The following AP3B1 variants were observed in gnomAD, a reference collection of about 807,000 sequenced individuals.
The protein encoded by AP3B1 is adaptor related protein complex 3 subunit beta 1.
In AP3B1, 61 loss-of-function variants were observed where a neutral mutation model predicts 132.5. The ratio of observed to expected loss-of-function variants is 0.46; its 90% CI spans 0.37 to 0.57. The LOEUF (loss-of-function observed/expected upper bound fraction) is 0.57. Among genes scored for constraint, AP3B1 ranks in the 20% least tolerant of loss-of-function variants. The probability of loss-of-function intolerance (pLI) is 0.00; values close to 1 mark genes in which losing one functional copy is unlikely to be tolerated. For synonymous variants in AP3B1, 388 were observed against 438.3 expected (o/e 0.89, Z 1.43); for missense variants, 1,120 against 1,289.4 (o/e 0.87, Z 2.01).
At chr5:78,003,696 T>G (rs1460765277) in intron 26 of AP3B1, among the ~76,000 whole-genome samples, 1 of 152,212 alleles carries the variant, frequency 6.6e-6, no homozygotes, top group Non-Finnish European at 1.5e-5. Flanking sequence ...CATTAGATCT[T>G]TCTTTCTGTA....
chr5:78,112,234 T>C (rs1580359761), intron 19 of AP3B1, among the ~76,000 whole-genome samples: 1 of 152,200 alleles, frequency 6.6e-6, no homozygotes, highest in African/African-American at 2.4e-5. Context: ...GATTGCTATT[T>C]ATTAAAAATG....
chr5:78,069,273 G>A (rs1749429746), intron 22 of AP3B1, among the ~76,000 whole-genome samples: 1 of 152,150 alleles, frequency 6.6e-6, no homozygotes, highest in South Asian at 2.1e-4. Context: ...GCAAGAGAAA[G>A]AAATAGAGTA....
chr5:78,117,931 C>A (rs562455733), intron 17 of AP3B1, among the ~76,000 whole-genome samples: 15 of 152,108 alleles, frequency 9.9e-5, no homozygotes, highest in African/African-American at 3.6e-4. Context: ...ATTGATTGTA[C>A]CTTTGAGTTT....
In AP3B1 at chr5:78,030,185, G is replaced by A. The variant is rs950976010; in HGVS notation, c.2894+4176C>T. Among the ~76,000 whole-genome samples the A allele has an allele frequency of 1.4e-4, 22 of 151,886 alleles. 1 individual carries two copies. Among genetic ancestry groups the A allele is most frequent in the East Asian group, 7.8e-4 (4 of 5,154 alleles). On this transcript the variant is annotated intron_variant, in intron 24 of 26. Transcript: ENST00000255194. ...TATGTTACCCAGGCTGGAAAGCAGC[G>A]GCTATTCACAGGTGCAATCATCGCG...
intron 16 of AP3B1, 60 bp from the exon 17 acceptor site, chr5:78,128,220 A>G: frequency 7.1e-7 from 1 of 1,410,498 alleles, no homozygotes; most frequent in Non-Finnish European, 9.8e-7. Flanking sequence ...ACAGAGAACA[A>G]TCATAATCAG....
At chr5:78,217,726 C>CTA (rs1186616857) in intron 6 of AP3B1, among the ~76,000 whole-genome samples, 11 of 151,978 alleles carry the variant, frequency 7.2e-5, no homozygotes, top group South Asian at 4.2e-4. Context: ...ATATAAACAT[C>CTA]TATATATATG....
chr5:78,155,228 G>A (rs1457332127), intron 14 of AP3B1, among the ~76,000 whole-genome samples: 17 of 152,126 alleles, frequency 1.1e-4, no homozygotes, highest in Admixed American at 1.1e-3. Flanking sequence ...AGAGACTCTT[G>A]TTCTCTTGTT....
At chr5:78,169,648 G>A (rs958353862) in intron 11 of AP3B1, among the ~76,000 whole-genome samples, 6 of 151,844 alleles carry the variant, frequency 4.0e-5, no homozygotes, top group East Asian at 3.9e-4. Context: ...AGCTGGTGTC[G>A]AACTCCTGGC....
At chr5:78,118,217 G>A (rs1039098639) in intron 17 of AP3B1, among the ~76,000 whole-genome samples, 1 of 152,126 alleles carries the variant, frequency 6.6e-6, no homozygotes, top group Non-Finnish European at 1.5e-5. Flanking sequence ...AGCCAAGATG[G>A]CCGAATAGGA....
At chr5:78,146,216 G>A (rs1753385729) in intron 14 of AP3B1, among the ~76,000 whole-genome samples, 1 of 152,198 alleles carries the variant, frequency 6.6e-6, no homozygotes, top group African/African-American at 2.4e-5. Context: ...CTGGAACAGA[G>A]AGATTCTGGG....
At chr5:78,172,928 T>C (rs1355836233) in intron 11 of AP3B1, among the ~76,000 whole-genome samples, 1 of 152,250 alleles carries the variant, frequency 6.6e-6, no homozygotes, top group Non-Finnish European at 1.5e-5. Flanking sequence ...ACACACTGCT[T>C]TAAATGTGTC....
intron 22 of AP3B1, among the ~76,000 whole-genome samples, chr5:78,060,251 G>T (rs1212146443): frequency 1.3e-5 from 2 of 152,152 alleles, no homozygotes; most frequent in Non-Finnish European, 2.9e-5. Context: ...TCAAGTTAAG[G>T]TGTCTATAAC....
chr5:78,191,354 CAA>C (rs34733864), intron 7 of AP3B1, among the ~76,000 whole-genome samples: 19 of 72,840 alleles, frequency 2.6e-4, no homozygotes, highest in South Asian at 5.1e-4. Context: ...TGCTTTTCCC[CAA>C]AAAAAAAAAA....
At chr5:78,130,713 T>C (rs1752649412) in intron 15 of AP3B1, among the ~76,000 whole-genome samples, 1 of 152,026 alleles carries the variant, frequency 6.6e-6, no homozygotes, top group Non-Finnish European at 1.5e-5. Context: ...AACCATGTAA[T>C]TAATTTGCTG....
rs114870503 is a variant in AP3B1 at position 78,294,113 on chromosome 5, A to G, written c.128+339T>C. Among the ~76,000 whole-genome samples the G allele has an allele frequency of 2.9e-3, 449 of 152,298 alleles. 5 individuals carry two copies. Among genetic ancestry groups the G allele is most frequent in the African/African-American group, 0.01 (434 of 41,552 alleles). On this transcript the variant is annotated intron_variant, in intron 1 of 26. Coordinates refer to ENST00000255194, the MANE Select transcript of AP3B1 (RefSeq NM_003664.5). Reference sequence around the variant, plus strand: ...TAAAGTCTGATCCGGCGAACGGTAAATAAACTAGAAGACGATGCTCAAAAT... The same window carrying G: ...TAAAGTCTGATCCGGCGAACGGTAAGTAAACTAGAAGACGATGCTCAAAAT...
chr5:78,212,812 C>A (rs924354466), intron 7 of AP3B1, among the ~76,000 whole-genome samples: 1 of 152,136 alleles, frequency 6.6e-6, no homozygotes, highest in Non-Finnish European at 1.5e-5. Flanking sequence ...AATATAAATG[C>A]CAAATACTTC....
chr5:78,058,827 C>T (rs1473436812), intron 22 of AP3B1, among the ~76,000 whole-genome samples: 2 of 152,254 alleles, frequency 1.3e-5, no homozygotes, highest in Non-Finnish European at 2.9e-5. Context: ...GGGTGTGGTG[C>T]CGGGTTCTGC....
chr5:78,045,340 C>T (rs908093799), intron 22 of AP3B1, among the ~76,000 whole-genome samples: 1 of 145,010 alleles, frequency 6.9e-6, no homozygotes, highest in Non-Finnish European at 1.5e-5. Context: ...GAGATAGTGC[C>T]ACTGTCCTCA....
chr5:78,072,709 A>ATTTTTTT (rs1388020571), intron 22 of AP3B1, among the ~76,000 whole-genome samples: 1 of 72,318 alleles, frequency 1.4e-5, no homozygotes, highest in Admixed American at 1.6e-4. Context: ...TGTCTGATAT[A>ATTTTTTT]TTCTTTTTTT....
Sources: gnomAD v4.1 joint callset for allele counts (sites outside exome capture counted in the v4.1 genomes callset) on GRCh38, gnomAD v4.1.1 for gene constraint, MANE v1.5 for transcripts, NCBI Gene and HGNC (gene_info 2026-07-23, HGNC 2026-07-21) for gene names.